Variants in RGS6 observed in about 807,000 individuals in gnomAD.
The protein encoded by RGS6 is regulator of G-protein signaling 6.
Under a neutral mutation model 78.5 loss-of-function variants are expected in RGS6, and 30 were observed. The observed-to-expected ratio is 0.38, with a 90% CI of 0.29 to 0.52. RGS6 has a LOEUF of 0.52. RGS6 is among the 20% of genes least tolerant of loss of function. The probability of loss-of-function intolerance (pLI) is 0.85; values close to 1 mark genes in which losing one functional copy is unlikely to be tolerated. For missense variants in RGS6, 495 were observed against 609.7 expected (o/e 0.81, Z 1.98); for synonymous variants, 206 against 206.0 (o/e 1.00, Z 0.00).
intron 13 of RGS6, among the ~76,000 whole-genome samples, chr14:72,503,922 A>G (rs544073273): frequency 6.6e-6 from 1 of 152,312 alleles, no homozygotes; most frequent in East Asian, 1.9e-4. Context: ...TCTTCTGGGC[A>G]GCCCAGTCCA....
rs908340349 is a variant in RGS6 at position 72,203,829 on chromosome 14, T to C, written c.85-148266T>C. On this transcript the variant is annotated intron_variant, in intron 2 of 17. Coordinates refer to ENST00000553525, the MANE Select transcript of RGS6 (RefSeq NM_001204424.2). ...GTAACCTTTCTTTCTTTCTTTTTTT[T>C]TTTTTTTTTTTTTGAGACAGAGTCA... is the stretch of plus-strand genomic sequence containing the variant. Among the ~76,000 whole-genome samples the C allele has an allele frequency of 9.4e-4, 140 of 148,332 alleles. 1 individual carries two copies. The highest frequency in any genetic ancestry group is 1.3e-3 in the Non-Finnish European group (87 of 66,854).
intron 2 of RGS6, among the ~76,000 whole-genome samples, chr14:72,329,694 G>A (rs2074567734): frequency 6.6e-6 from 1 of 152,244 alleles, no homozygotes; most frequent in Non-Finnish European, 1.5e-5. Context: ...AACCCATAGT[G>A]TGGAAGCACT....
intron 2 of RGS6, among the ~76,000 whole-genome samples, chr14:72,177,575 G>A (rs1457606450): frequency 6.6e-6 from 1 of 152,196 alleles, no homozygotes; most frequent in African/African-American, 2.4e-5. Flanking sequence ...GGGCAGAGAG[G>A]TAGATTTAAG....
chr14:72,331,209 G>A (rs554511617), intron 2 of RGS6, among the ~76,000 whole-genome samples: 18 of 146,890 alleles, frequency 1.2e-4, no homozygotes, highest in Non-Finnish European at 2.4e-4. Context: ...GCCTGCTGTC[G>A]TAAATCATCA....
rs919315584 is a variant in RGS6 at position 72,562,988 on chromosome 14, C to T, written c.*521C>T. 4.4e-5 allele frequency: 26 copies of T among 585,100 alleles called. No homozygotes were observed. Among genetic ancestry groups the T allele is most frequent in the African/African-American group, 4.3e-4 (23 of 53,772 alleles). The allele number at this position is 585,100 out of a possible 1,614,324, so 36.2% of individuals were successfully genotyped here. A position where few individuals can be genotyped will look rare whatever the true frequency, so the allele number is the denominator to read the frequency against. On this transcript the variant is annotated 3_prime_UTR_variant, in exon 18 of 18. Transcript: ENST00000553525. The stretch of plus-strand genomic sequence containing the variant: ...TCATCCCTCACGTCTCTGTGGCCAC[C>T]CGGGTGTCACTGCCAGCACCAGGCA...
chr14:72,134,398 G>C (rs1473222491), intron 2 of RGS6, among the ~76,000 whole-genome samples: 1 of 152,198 alleles, frequency 6.6e-6, no homozygotes, highest in East Asian at 1.9e-4. Flanking sequence ...TCCTTCTGGA[G>C]TTGTCTGTCA....
chr14:72,113,423 C>A (rs952771523), intron 2 of RGS6, among the ~76,000 whole-genome samples: 7 of 152,236 alleles, frequency 4.6e-5, no homozygotes, highest in Non-Finnish European at 1.0e-4. Flanking sequence ...GGTTGAGGAG[C>A]CCCAGAAGCC....
chr14:72,149,238 G>C (rs1456966691), intron 2 of RGS6, among the ~76,000 whole-genome samples: 1 of 152,182 alleles, frequency 6.6e-6, no homozygotes, highest in African/African-American at 2.4e-5. Context: ...GCCAGACAGA[G>C]ACTATCACCT....
At chr14:71,987,135 TAGAAA>T (rs1481880944) in intron 2 of RGS6, among the ~76,000 whole-genome samples, 1 of 152,190 alleles carries the variant, frequency 6.6e-6, no homozygotes, top group East Asian at 1.9e-4. Context: ...CACACTGTCT[TAGAAA>T]AGGAAAGGAA....
In RGS6 at chr14:72,564,331, G is replaced by C. The variant is rs568023968; in HGVS notation, c.*1864G>C. ...AGGCAGCAATTCTTGCTGGACACCT[G>C]CACATGCTCAGCACAGAGGCTGGTA... On this transcript the variant is annotated 3_prime_UTR_variant, in exon 18 of 18. Transcript: ENST00000553525. 7.2e-5 allele frequency: 11 copies of C among 152,372 alleles called. No homozygotes were observed. The highest frequency in any genetic ancestry group is 1.6e-4 in the Non-Finnish European group (11 of 68,046). 9.4% of individuals were successfully genotyped at this position (152,372 alleles called of 1,614,324 possible). A position where few individuals can be genotyped will look rare whatever the true frequency, so the allele number is the denominator to read the frequency against.
chr14:72,056,080 T>C (rs2093605261), intron 2 of RGS6, among the ~76,000 whole-genome samples: 1 of 152,248 alleles, frequency 6.6e-6, no homozygotes, highest in Non-Finnish European at 1.5e-5. Context: ...CCCCCGGGAA[T>C]CTGTGTTCTA....
intron 2 of RGS6, among the ~76,000 whole-genome samples, chr14:71,985,406 G>A (rs1371006035): frequency 6.6e-6 from 1 of 152,176 alleles, no homozygotes; most frequent in Non-Finnish European, 1.5e-5. Context: ...ACAGCTGTGA[G>A]CCACCGCACC....
chr14:71,956,608 A>G (rs1405374012), intron 1 of RGS6, among the ~76,000 whole-genome samples: 1 of 152,062 alleles, frequency 6.6e-6, no homozygotes. Context: ...TCACCTTTTC[A>G]TGTTTCTCTG....
chr14:72,472,866 T>C lies in RGS6; in HGVS notation c.537-6T>C. 4 of 1,603,380 alleles carry C rather than the reference T, an allele frequency of 2.5e-6. No homozygotes were observed. The highest frequency in any genetic ancestry group is 1.7e-5 in the Admixed American group (1 of 58,822). ...TCTTATTTCCTTCCTCTCTTTACTC[T>C]TTCAGGATTGACCGGAAAAAAGACA... On this transcript the variant is annotated splice_region_variant and splice_polypyrimidine_tract_variant and intron_variant, in intron 8 of 17. Transcript: ENST00000553525.
At chr14:72,288,714 G>C (rs546669873) in intron 2 of RGS6, among the ~76,000 whole-genome samples, 26 of 152,312 alleles carry the variant, frequency 1.7e-4, no homozygotes, top group Non-Finnish European at 3.2e-4. Context: ...GGGAAAGAAG[G>C]CCGGGCACAT....
intron 1 of RGS6, among the ~76,000 whole-genome samples, chr14:71,944,337 G>A (rs1326843891): frequency 1.3e-5 from 2 of 152,162 alleles, no homozygotes; most frequent in African/African-American, 2.4e-5. Context: ...GAGTGGAAAC[G>A]AGGTTCAGTC....
chr14:72,559,306 G>C (rs1295326900), intron 17 of RGS6, among the ~76,000 whole-genome samples: 2 of 152,210 alleles, frequency 1.3e-5, no homozygotes, highest in Non-Finnish European at 2.9e-5. Context: ...ATTTCACTTT[G>C]ATCACTGAAA....
At chr14:72,313,981 C>G (rs2069349079) in intron 2 of RGS6, among the ~76,000 whole-genome samples, 2 of 152,140 alleles carry the variant, frequency 1.3e-5, no homozygotes, top group African/African-American at 4.8e-5. Context: ...GCCCTTATGT[C>G]CCTTGTCTCT....
intron 3 of RGS6, among the ~76,000 whole-genome samples, chr14:72,395,892 A>G (rs1027763652): frequency 2.6e-5 from 4 of 152,030 alleles, no homozygotes; most frequent in African/African-American, 9.7e-5. Flanking sequence ...ATAGTATTCC[A>G]TGGTGTATAT....
Sources: gnomAD v4.1 joint callset for allele counts (sites outside exome capture counted in the v4.1 genomes callset) on GRCh38, gnomAD v4.1.1 for gene constraint, MANE v1.5 for transcripts, NCBI Gene and HGNC (gene_info 2026-07-23, HGNC 2026-07-21) for gene names.